Variants in CACNA1C observed in about 807,000 individuals in gnomAD.
CACNA1C encodes the protein voltage-dependent L-type calcium channel subunit alpha-1C.
A neutral mutation model predicts 229.0 loss-of-function variants in CACNA1C; 30 were observed. That is an observed-to-expected ratio of 0.13 (90% CI 0.10 to 0.18). CACNA1C has a LOEUF of 0.18. CACNA1C is among the 10% of genes least tolerant of loss of function. The pLI, the probability that CACNA1C is intolerant of heterozygous loss-of-function variation, is 1.00. For synonymous variants in CACNA1C, 1,114 were observed against 1,132.5 expected, an observed-to-expected ratio of 0.98 and a Z score of 0.33; for missense variants, 1,658 against 2,845.0, an observed-to-expected ratio of 0.58 and a Z score of 9.49.
rs144303611 is a variant in CACNA1C at position 2,665,118 on chromosome 12, T to C, written c.4398+128T>C. ...GAGGAGCTGGCTTGGGAAGACTAAGTTGGCAGGAGTGTCCAGCCACATGGA... is the reference window on the plus strand; with the variant it reads ...GAGGAGCTGGCTTGGGAAGACTAAGCTGGCAGGAGTGTCCAGCCACATGGA... On this transcript the variant is annotated intron_variant, in intron 35 of 46. Transcript: ENST00000399655. This position sits in a 1 kb window ranked among gnomAD's most constrained non-coding sequence, Gnocchi z 5.9. The C allele has an allele frequency of 1.5e-3, 1,388 of 921,148 alleles. 3 individuals carry two copies. The highest frequency in any genetic ancestry group is 4.5e-3 in the Admixed American group (192 of 42,738). The allele number at this position is 921,148 out of a possible 1,614,324, so 57.1% of individuals were successfully genotyped here.
At chr12:2,490,080 G>T (rs978215618) in intron 6 of CACNA1C, among the ~76,000 whole-genome samples, 2 of 152,214 alleles carry the variant, frequency 1.3e-5, no homozygotes, top group Non-Finnish European at 2.9e-5. Flanking sequence ...ATTTTTACCA[G>T]ATCATCACTG....
At chr12:2,086,673 C>T (rs944101710) in intron 1 of CACNA1C, among the ~76,000 whole-genome samples, 1 of 152,234 alleles carries the variant, frequency 6.6e-6, no homozygotes. Context: ...CCATTTCATT[C>T]TGCAGGGCTT....
intron 9 of CACNA1C, among the ~76,000 whole-genome samples, chr12:2,538,820 G>A (rs1327818758): frequency 6.6e-6 from 1 of 152,204 alleles, no homozygotes; most frequent in Non-Finnish European, 1.5e-5. Flanking sequence ...ATTGTTTTCT[G>A]AAAGAGAAAA....
chr12:2,522,401 C>T (rs2099811693), intron 9 of CACNA1C, among the ~76,000 whole-genome samples: 1 of 152,300 alleles, frequency 6.6e-6, no homozygotes, highest in East Asian at 1.9e-4. Flanking sequence ...GTCTGATAGC[C>T]CTATATTCAT....
Position 2,302,819 on chromosome 12 carries a change from T to C in CACNA1C, c.478-146157T>C, listed in dbSNP as rs561707073. On this transcript the variant is annotated intron_variant, in intron 3 of 46. Coordinates refer to ENST00000399655, the MANE Select transcript of CACNA1C (RefSeq NM_000719.7). ...ATGAGAAGAATGGTATTTTGGTCTA[T>C]TTTGTCTCTCTGCCCTCTGTGTTCT... Among the ~76,000 whole-genome samples the C allele has an allele frequency of 7.4e-4, 113 of 152,360 alleles. 1 individual carries two copies. Among genetic ancestry groups the C allele is most frequent in the African/African-American group, 2.7e-3 (112 of 41,590 alleles).
At position 2,486,902 on chromosome 12, in the gene CACNA1C, C is replaced by A. The variant is rs929752529; in HGVS notation, c.916+640C>A. On this transcript the variant is annotated intron_variant, in intron 6 of 46. Transcript: ENST00000399655. This position sits in a 1 kb window ranked among gnomAD's most constrained non-coding sequence, Gnocchi z 4.9. ...AGGCTTAGTTCTACCCCATGACTCC[C>A]AGTCCCTTCCTTTTTGAGCCTTCCC... 1.3e-5 allele frequency among the ~76,000 whole-genome samples: 2 copies of A among 152,202 alleles called. No individual in the cohort carries two copies. Among genetic ancestry groups the A allele is most frequent in the Admixed American group, 1.3e-4 (2 of 15,286 alleles).
At chr12:2,578,148 G>A (rs1175511557) in intron 13 of CACNA1C, among the ~76,000 whole-genome samples, 5 of 152,200 alleles carry the variant, frequency 3.3e-5, no homozygotes, top group South Asian at 2.1e-4. Flanking sequence ...GATTACAGGC[G>A]TGAGCCACCG....
chr12:2,529,135 C>T (rs1247097525), intron 9 of CACNA1C, among the ~76,000 whole-genome samples: 3 of 152,296 alleles, frequency 2.0e-5, no homozygotes, highest in Admixed American at 2.0e-4. Flanking sequence ...AACTAGAAAC[C>T]AGTGAGGCAA....
At chr12:2,520,246 T>A (rs1302581982) in intron 9 of CACNA1C, among the ~76,000 whole-genome samples, 3 of 53,056 alleles carry the variant, frequency 5.7e-5, no homozygotes, top group Non-Finnish European at 1.0e-4. Flanking sequence ...AGTCTTCTCA[T>A]TGCCCAATGG....
chr12:2,055,401 A>G (rs2054291500), intron 1 of CACNA1C, among the ~76,000 whole-genome samples: 1 of 152,230 alleles, frequency 6.6e-6, no homozygotes, highest in African/African-American at 2.4e-5. Flanking sequence ...GTCAATGGCA[A>G]TGTACTGTGG....
rs2059977717 is a variant in CACNA1C, at chr12:2,067,898, T to C, written c.49+14287T>C. On this transcript the variant is annotated intron_variant, in intron 1 of 46. Transcript: ENST00000399655. This position sits in a 1 kb window ranked among gnomAD's most constrained non-coding sequence, Gnocchi z 5.3. ...AAACCAAGCCCAGCTTCACAGCCTA[T>C]GATATTGGCTCTCTGGAGAACCGGT... Among the ~76,000 whole-genome samples the C allele has an allele frequency of 6.6e-6, 1 of 152,330 alleles. No individual in the cohort carries two copies. Among genetic ancestry groups the C allele is most frequent in the Middle Eastern group, 3.4e-3 (1 of 294 alleles).
intron 3 of CACNA1C, among the ~76,000 whole-genome samples, chr12:2,392,235 G>A (rs2098495954): frequency 6.6e-6 from 1 of 152,200 alleles, no homozygotes; most frequent in South Asian, 2.1e-4. Context: ...GTAAACGTGA[G>A]AATTATTTCT....
intron 1 of CACNA1C, among the ~76,000 whole-genome samples, chr12:2,030,570 G>A (rs557910349): frequency 8.9e-4 from 136 of 152,266 alleles, no homozygotes; most frequent in African/African-American, 3.2e-3. Flanking sequence ...GCTCTCAGAT[G>A]TGCCCTTGGG....
chr12:2,181,436 G>T lies in CACNA1C; in HGVS notation c.477+61006G>T, dbSNP rs1023375786. On this transcript the variant is annotated intron_variant, in intron 3 of 46. Coordinates refer to ENST00000399655, the MANE Select transcript of CACNA1C (RefSeq NM_000719.7). The surrounding 1 kb of genome is among the most constrained non-coding windows in gnomAD (Gnocchi z 4.0). ...AACATGATCACAGCAGACTGACACG[G>T]CGAGCTGAAACAAACAGGAAAACAT... Among the ~76,000 whole-genome samples the T allele has an allele frequency of 1.1e-4, 17 of 152,172 alleles. No homozygotes were observed. The highest frequency in any genetic ancestry group is 3.3e-4 in the Admixed American group (5 of 15,280).
intron 1 of CACNA1C, among the ~76,000 whole-genome samples, chr12:2,099,022 G>C (rs980582889): frequency 6.6e-6 from 1 of 152,218 alleles, no homozygotes; most frequent in African/African-American, 2.4e-5. Flanking sequence ...ACGTGGCTGT[G>C]TGGCTGGGGA....
Position 2,633,843 on chromosome 12 carries a change from C to G in CACNA1C, c.3829-454C>G. 1.6e-6 allele frequency: 1 copy of G among 630,602 alleles called. No homozygotes were observed. Among genetic ancestry groups the G allele is most frequent in the South Asian group, 2.0e-5 (1 of 49,348 alleles). 39.1% of individuals were successfully genotyped at this position (630,602 alleles called of 1,614,324 possible). Reference sequence around the variant, plus strand: ...TTTAATTTCCTGTTTTTACCCGCCTCCAGTCATGCCTTTTATTGAACCTGC... The same window carrying G: ...TTTAATTTCCTGTTTTTACCCGCCTGCAGTCATGCCTTTTATTGAACCTGC... On this transcript the variant is annotated intron_variant, in intron 29 of 46. Coordinates refer to ENST00000399655, the MANE Select transcript of CACNA1C (RefSeq NM_000719.7). This position sits in a 1 kb window ranked among gnomAD's most constrained non-coding sequence, Gnocchi z 5.8.
In CACNA1C at chr12:2,632,423, A is replaced by G. The variant is rs2090915494; in HGVS notation, c.3829-1874A>G. Among the ~76,000 whole-genome samples, 1 of 151,986 alleles carries G rather than the reference A, an allele frequency of 6.6e-6. No homozygotes were observed. The highest frequency in any genetic ancestry group is 6.5e-5 in the Admixed American group (1 of 15,272). ...CCCCTACACCTCCTACACCCAAGAA[A>G]TCCATCTGCTAAAGAGTCCACTCAT... On this transcript the variant is annotated intron_variant, in intron 29 of 46. Coordinates refer to ENST00000399655, the MANE Select transcript of CACNA1C (RefSeq NM_000719.7). The surrounding 1 kb of genome is among the most constrained non-coding windows in gnomAD (Gnocchi z 4.1).
At chr12:2,387,991 A>T (rs1366687921) in intron 3 of CACNA1C, among the ~76,000 whole-genome samples, 3 of 152,106 alleles carry the variant, frequency 2.0e-5, no homozygotes, top group Admixed American at 1.3e-4. Context: ...AGAGCAGGAG[A>T]CCAAGCCTTG....
intron 3 of CACNA1C, chr12:2,223,259 G>A (rs1224185138): frequency 6.6e-6 from 1 of 152,182 alleles, no homozygotes; most frequent in African/African-American, 2.4e-5. Context: ...TTTTCAGCTG[G>A]GATTTTTGGG....
Sources: allele counts gnomAD v4.1 joint callset (sites outside exome capture counted in the v4.1 genomes callset), GRCh38; gene constraint gnomAD v4.1.1; non-coding constraint Gnocchi (gnomAD v3.1); transcripts MANE v1.5; gene names NCBI Gene and HGNC (gene_info 2026-07-23, HGNC 2026-07-21).